The following FHIT variants were observed in gnomAD, a reference collection of about 807,000 sequenced individuals.
The protein encoded by FHIT is bis(5'-adenosyl)-triphosphatase.
In FHIT, 19 loss-of-function variants were observed where a neutral mutation model predicts 17.9. The observed-to-expected ratio is 1.06, with a 90% CI of 0.74 to 1.56. FHIT has a LOEUF of 1.56. Among genes scored for constraint, FHIT ranks in the 40% most tolerant of loss-of-function variants. FHIT has a pLI of 0.00. For missense variants in FHIT, 248 were observed against 189.2 expected, an observed-to-expected ratio of 1.31 and a Z score of -1.82; for synonymous variants, 81 against 69.7, an observed-to-expected ratio of 1.16 and a Z score of -0.81.
chr3:59,876,565 G>C (rs1052889948), intron 8 of FHIT, among the ~76,000 whole-genome samples: 3 of 152,266 alleles, frequency 2.0e-5, no homozygotes, highest in African/African-American at 7.2e-5. Flanking sequence ...CAGTCTTCAA[G>C]AGAGAAGAGG....
intron 5 of FHIT, among the ~76,000 whole-genome samples, chr3:60,364,077 T>G (rs189381823): frequency 6.6e-6 from 1 of 152,350 alleles, no homozygotes; most frequent in East Asian, 1.9e-4. Flanking sequence ...CACAACTTTG[T>G]AAACAGTCCC....
At chr3:60,067,867 T>C (rs904538920) in intron 5 of FHIT, among the ~76,000 whole-genome samples, 6 of 152,194 alleles carry the variant, frequency 3.9e-5, no homozygotes, top group Non-Finnish European at 7.4e-5. Flanking sequence ...TGAAGGGCAA[T>C]AACTAAAATG....
intron 4 of FHIT, among the ~76,000 whole-genome samples, chr3:60,648,725 T>A (rs1252953357): frequency 6.6e-6 from 1 of 152,136 alleles, no homozygotes; most frequent in African/African-American, 2.4e-5. Context: ...TAATGTGAGA[T>A]GAAAAGCTAA....
chr3:60,315,831 G>A (rs537584570), intron 5 of FHIT, among the ~76,000 whole-genome samples: 14 of 152,246 alleles, frequency 9.2e-5, no homozygotes, highest in South Asian at 2.1e-4. Context: ...TTGCTGGATC[G>A]CAGGGCAGTG....
At chr3:60,889,381 CT>C (rs1327488372) in intron 3 of FHIT, among the ~76,000 whole-genome samples, 2 of 152,192 alleles carry the variant, frequency 1.3e-5, no homozygotes, top group African/African-American at 4.8e-5. Context: ...AGTAACTTGC[CT>C]TGCTGAGAAT....
At chr3:60,354,321 CT>C (rs775628301) in intron 5 of FHIT, among the ~76,000 whole-genome samples, 31 of 152,074 alleles carry the variant, frequency 2.0e-4, no homozygotes, top group Non-Finnish European at 1.5e-5. Flanking sequence ...TTATTTTAAA[CT>C]TTTCCAACCC....
At chr3:59,987,845 G>A (rs79953152) in intron 7 of FHIT, among the ~76,000 whole-genome samples, 1,672 of 152,112 alleles carry the variant, frequency 0.011, 30 homozygotes, top group African/African-American at 0.038. Context: ...GGGTACTAGA[G>A]ATGTCTGCCC....
intron 4 of FHIT, among the ~76,000 whole-genome samples, chr3:60,799,684 C>CT (rs1222748282): frequency 1.3e-5 from 2 of 152,102 alleles, no homozygotes; most frequent in African/African-American, 4.8e-5. Context: ...TTCGGGGCTA[C>CT]TTTTTTCATT....
chr3:59,824,535 G>A (rs1700909763), intron 8 of FHIT, among the ~76,000 whole-genome samples: 2 of 152,182 alleles, frequency 1.3e-5, no homozygotes, highest in Admixed American at 1.3e-4. Flanking sequence ...TAGGCCCTTT[G>A]GTAATTTTCA....
chr3:61,019,942 T>C (rs1296910539), intron 3 of FHIT, among the ~76,000 whole-genome samples: 1 of 152,192 alleles, frequency 6.6e-6, no homozygotes, highest in Non-Finnish European at 1.5e-5. Context: ...GGTATACACA[T>C]GCCATAGTGG....
chr3:61,208,663 T>A (rs1324227361), intron 1 of FHIT, among the ~76,000 whole-genome samples: 1 of 152,092 alleles, frequency 6.6e-6, no homozygotes, highest in Non-Finnish European at 1.5e-5. Flanking sequence ...GTTTTCCATT[T>A]GCTTGGTAGA....
At chr3:60,860,527 ATATAT>A (rs1703690493) in intron 3 of FHIT, among the ~76,000 whole-genome samples, 1 of 30,140 alleles carries the variant, frequency 3.3e-5, no homozygotes, top group African/African-American at 8.4e-5. Context: ...TATGTATCAT[ATATAT>A]CAGGTATATA....
At chr3:60,136,623 A>C (rs1018915651) in intron 5 of FHIT, among the ~76,000 whole-genome samples, 1 of 149,162 alleles carries the variant, frequency 6.7e-6, no homozygotes, top group East Asian at 1.9e-4. Context: ...CCAAATTCCC[A>C]GTGAGTTCAG....
intron 5 of FHIT, among the ~76,000 whole-genome samples, chr3:60,318,596 G>C (rs771462925): frequency 5.9e-5 from 9 of 152,166 alleles, no homozygotes; most frequent in Non-Finnish European, 1.0e-4. Flanking sequence ...AGACCACAAT[G>C]ACTGACATCC....
intron 2 of FHIT, among the ~76,000 whole-genome samples, chr3:61,051,632 C>G (rs2034031391): frequency 6.6e-6 from 1 of 152,138 alleles, no homozygotes; most frequent in South Asian, 2.1e-4. Context: ...ACTGGGTTGG[C>G]AAATGACAGG....
At chr3:61,238,475 C>A (rs760246175) in intron 1 of FHIT, among the ~76,000 whole-genome samples, 1 of 152,136 alleles carries the variant, frequency 6.6e-6, no homozygotes, top group Non-Finnish European at 1.5e-5. Flanking sequence ...ATAGAGCTTA[C>A]AGTCCAAAGG....
chr3:60,657,486 G>T (rs1402477723), intron 4 of FHIT, among the ~76,000 whole-genome samples: 2 of 152,136 alleles, frequency 1.3e-5, no homozygotes, highest in Non-Finnish European at 2.9e-5. Flanking sequence ...TAGGTGTCTG[G>T]CAGATAGTCA....
At chr3:60,178,667 C>A (rs1440303441) in intron 5 of FHIT, among the ~76,000 whole-genome samples, 2 of 152,250 alleles carry the variant, frequency 1.3e-5, no homozygotes, top group South Asian at 4.2e-4. Context: ...TTAAATAATA[C>A]TAACACTTTA....
intron 4 of FHIT, among the ~76,000 whole-genome samples, chr3:60,725,350 G>T (rs1389341127): frequency 6.6e-6 from 1 of 152,122 alleles, no homozygotes; most frequent in Non-Finnish European, 1.5e-5. Context: ...CCGTAGCTAA[G>T]AAACCATTGC....
Sources: allele counts gnomAD v4.1 joint callset (sites outside exome capture counted in the v4.1 genomes callset), GRCh38; gene constraint gnomAD v4.1.1; transcripts MANE v1.5; gene names NCBI Gene and HGNC (gene_info 2026-07-23, HGNC 2026-07-21).